STX17: variants seen among roughly 807,000 people sequenced by gnomAD.
STX17 encodes the protein syntaxin-17.
A neutral mutation model predicts 35.9 loss-of-function variants in STX17; 29 were observed. That is an observed-to-expected ratio of 0.81 (90% CI 0.60 to 1.10). The LOEUF (loss-of-function observed/expected upper bound fraction) is 1.10, where lower values mean the gene tolerates loss of function less well. Among genes scored for constraint, STX17 ranks in the 50% least tolerant of loss-of-function variants. The pLI, the probability that STX17 is intolerant of heterozygous loss-of-function variation, is 0.00. For synonymous variants in STX17, 92 were observed against 118.3 expected, an observed-to-expected ratio of 0.78 and a Z score of 1.44; for missense variants, 312 against 352.3, an observed-to-expected ratio of 0.89 and a Z score of 0.92.
At chr9:99,964,920 CAA>C in intron 6 of STX17, among the ~76,000 whole-genome samples, 1 of 152,028 alleles carries the variant, frequency 6.6e-6, no homozygotes. Flanking sequence ...AAGATATGGG[CAA>C]AGTTTGAAGT....
chr9:99,915,915 A>T (rs936454243), intron 2 of STX17: 11 of 396,120 alleles, frequency 2.8e-5, no homozygotes, highest in Non-Finnish European at 5.0e-5. Flanking sequence ...TAATTAAGAT[A>T]CAAATTGATT....
intron 3 of STX17, 136 bp from the exon 4 acceptor site, chr9:99,950,923 TA>T: frequency 1.2e-6 from 1 of 826,554 alleles, no homozygotes; most frequent in Middle Eastern, 3.5e-4. Context: ...ATGGAAAATG[TA>T]AAAGTATTAT....
chr9:99,927,845 A>G (rs1329204036), intron 2 of STX17, among the ~76,000 whole-genome samples: 1 of 152,236 alleles, frequency 6.6e-6, no homozygotes, highest in East Asian at 1.9e-4. Context: ...TAGGAGTATC[A>G]AAAGAAGTTT....
intron 3 of STX17, chr9:99,929,739 A>T (rs1163232051): frequency 6.6e-6 from 1 of 151,466 alleles, no homozygotes; most frequent in Non-Finnish European, 1.5e-5. Context: ...TTATGGAGAT[A>T]TTGTTTTCTG....
At chr9:99,950,494 T>A (rs1829570976) in intron 3 of STX17, among the ~76,000 whole-genome samples, 1 of 151,880 alleles carries the variant, frequency 6.6e-6, no homozygotes, top group Admixed American at 6.6e-5. Context: ...TTGTAATAAC[T>A]AAAAATTAGG....
At chr9:99,961,778 A>T (rs1224430077) in intron 6 of STX17, among the ~76,000 whole-genome samples, 1 of 152,132 alleles carries the variant, frequency 6.6e-6, no homozygotes, top group Non-Finnish European at 1.5e-5. Context: ...GAAAGGACTC[A>T]AGAGGCCAAC....
chr9:99,909,891 A>G (rs540583462), intron 1 of STX17, among the ~76,000 whole-genome samples: 2 of 152,330 alleles, frequency 1.3e-5, no homozygotes, highest in South Asian at 4.1e-4. Context: ...TATCCCATAA[A>G]TATATACCTA....
chr9:99,912,317 G>T (rs1828683031), intron 1 of STX17, among the ~76,000 whole-genome samples: 1 of 151,836 alleles, frequency 6.6e-6, no homozygotes, highest in African/African-American at 2.4e-5. Context: ...TTGTAACTGG[G>T]GTGAGATGGT....
At chr9:99,951,036 A>T (rs1028311763) in intron 3 of STX17, 24 bp from the exon 4 acceptor site, 2 of 1,572,256 alleles carry the variant, frequency 1.3e-6, no homozygotes, top group Admixed American at 3.7e-5. Context: ...AAATGGTGGC[A>T]TTAATGATTT....
intron 2 of STX17, among the ~76,000 whole-genome samples, chr9:99,923,206 A>G (rs1425511191): frequency 2.6e-5 from 4 of 151,844 alleles, no homozygotes; most frequent in African/African-American, 9.7e-5. Context: ...CTGGGGTTTG[A>G]TGTACAAATG....
intron 6 of STX17, among the ~76,000 whole-genome samples, chr9:99,963,332 C>T (rs1482213015): frequency 6.6e-6 from 1 of 152,130 alleles, no homozygotes; most frequent in East Asian, 1.9e-4. Flanking sequence ...ATTTAAAGAA[C>T]CCTGGGCCAG....
At chr9:99,947,142 T>C (rs1330179386) in intron 3 of STX17, among the ~76,000 whole-genome samples, 2 of 152,140 alleles carry the variant, frequency 1.3e-5, no homozygotes, top group Non-Finnish European at 2.9e-5. Flanking sequence ...TTTTTTACTT[T>C]CCTTGTTTCT....
At chr9:99,955,492 CAG>C (rs1215097097) in intron 4 of STX17, among the ~76,000 whole-genome samples, 2 of 151,952 alleles carry the variant, frequency 1.3e-5, no homozygotes, top group Non-Finnish European at 2.9e-5. Flanking sequence ...TTTAAACTAT[CAG>C]AACTGGAAAA....
chr9:99,945,750 A>G (rs1218352128), intron 3 of STX17: 1 of 398,632 alleles, frequency 2.5e-6, no homozygotes, highest in East Asian at 8.7e-5. Flanking sequence ...TTCTCCAAGG[A>G]TTTCATCAAC....
intron 2 of STX17, among the ~76,000 whole-genome samples, chr9:99,916,762 G>T (rs1156852333): frequency 6.6e-6 from 1 of 152,114 alleles, no homozygotes; most frequent in South Asian, 2.1e-4. Context: ...GACTTTTAAG[G>T]ATGGATAAGG....
In STX17 at chr9:99,969,327, G is replaced by A. The variant is rs922029302; in HGVS notation, c.*654G>A. The A allele has an allele frequency of 3.3e-5, 5 of 152,128 alleles. No homozygotes were observed. Among genetic ancestry groups the A allele is most frequent in the African/African-American group, 1.2e-4 (5 of 41,424 alleles). The allele number at this position is 152,128 out of a possible 1,614,324, so 9.4% of individuals were successfully genotyped here. A position where few individuals can be genotyped will look rare whatever the true frequency, so the allele number is the denominator to read the frequency against. On this transcript the variant is annotated 3_prime_UTR_variant, in exon 8 of 8. Coordinates refer to ENST00000259400, the MANE Select transcript of STX17 (RefSeq NM_017919.3). ...AATAAATAACACAGAATTTCAAGTGGTAGGAGACTTATTAAGCCAGTCACC... is the reference window on the plus strand; with the variant it reads ...AATAAATAACACAGAATTTCAAGTGATAGGAGACTTATTAAGCCAGTCACC...
intron 6 of STX17, among the ~76,000 whole-genome samples, chr9:99,965,411 G>A (rs1409177774): frequency 1.3e-5 from 2 of 152,132 alleles, no homozygotes; most frequent in African/African-American, 2.4e-5. Flanking sequence ...CCTCTTGCTG[G>A]AATTATTTTG....
chr9:99,954,829 G>C (rs1829675956), intron 4 of STX17, among the ~76,000 whole-genome samples: 1 of 152,064 alleles, frequency 6.6e-6, no homozygotes, highest in African/African-American at 2.4e-5. Context: ...TTCATTTACA[G>C]ATAGAAATAA....
At chr9:99,925,770 T>C (rs1019038547) in intron 2 of STX17, among the ~76,000 whole-genome samples, 3 of 152,082 alleles carry the variant, frequency 2.0e-5, no homozygotes, top group African/African-American at 7.2e-5. Flanking sequence ...TTTCTTCCCG[T>C]TTTTAAGATG....
Sources: allele counts gnomAD v4.1 joint callset (sites outside exome capture counted in the v4.1 genomes callset), GRCh38; gene constraint gnomAD v4.1.1; transcripts MANE v1.5; gene names NCBI Gene and HGNC (gene_info 2026-07-23, HGNC 2026-07-21).